Variants in SEMA3A observed in about 807,000 individuals in gnomAD.
SEMA3A encodes the protein semaphorin 3A.
Under a neutral mutation model 97.9 loss-of-function variants are expected in SEMA3A, and 29 were observed. That is an observed-to-expected ratio of 0.30 (90% CI 0.22 to 0.40). The LOEUF (loss-of-function observed/expected upper bound fraction) is 0.40, where lower values mean the gene tolerates loss of function less well. Ranked by LOEUF, SEMA3A falls within the 10% of genes least tolerant of loss-of-function variation. SEMA3A has a pLI of 1.00. For synonymous variants in SEMA3A, 321 were observed against 323.7 expected (o/e 0.99, Z 0.09); for missense variants, 763 against 951.3 (o/e 0.80, Z 2.60).
Position 84,050,888 on chromosome 7 carries a change from A to G in SEMA3A, c.548-4445T>C, listed in dbSNP as rs550820495. ...ATCCATCTTGAATTGATTTTTGTAT[A>G]AGGTGTAAGGAAGGGATCCAGTTTC... On this transcript the variant is annotated intron_variant, in intron 5 of 16. Transcript: ENST00000265362. Among the ~76,000 whole-genome samples the G allele has an allele frequency of 1.2e-3, 187 of 151,356 alleles. 1 individual carries two copies. In the East Asian group the frequency reaches 0.016, roughly 13 times the overall value.
chr7:84,110,267 T>C (rs560510063), intron 4 of SEMA3A, among the ~76,000 whole-genome samples: 1 of 152,300 alleles, frequency 6.6e-6, no homozygotes, highest in East Asian at 1.9e-4. Context: ...TCTTCCTTCC[T>C]TCCTCCTGCT....
At chr7:84,438,720 C>A (rs750788145) in intron 1 of SEMA3A, among the ~76,000 whole-genome samples, 4 of 152,016 alleles carry the variant, frequency 2.6e-5, no homozygotes, top group East Asian at 1.9e-4. Context: ...TAAGATGGTA[C>A]CCACCACATA....
chr7:84,403,722 C>CATT (rs781353673), intron 1 of SEMA3A, among the ~76,000 whole-genome samples: 3 of 152,142 alleles, frequency 2.0e-5, no homozygotes, highest in Non-Finnish European at 2.9e-5. Flanking sequence ...CAGGCAGCAA[C>CATT]ATTTGCGGTT....
At chr7:84,159,354 G>T (rs1352620976) in intron 1 of SEMA3A, among the ~76,000 whole-genome samples, 1 of 152,026 alleles carries the variant, frequency 6.6e-6, no homozygotes, top group East Asian at 1.9e-4. Context: ...GTTACATCTT[G>T]CAAGAACAGC....
intron 11 of SEMA3A, among the ~76,000 whole-genome samples, chr7:84,002,273 T>C (rs1279456702): frequency 1.3e-5 from 2 of 152,214 alleles, no homozygotes; most frequent in Non-Finnish European, 2.9e-5. Flanking sequence ...AATAAAAGAT[T>C]GAATTTTTAG....
chr7:84,384,826 T>G (rs573626386), intron 1 of SEMA3A, among the ~76,000 whole-genome samples: 24 of 152,154 alleles, frequency 1.6e-4, no homozygotes, highest in Non-Finnish European at 3.1e-4. Flanking sequence ...AATAATGTAA[T>G]ATTTAGAGAG....
chr7:84,262,280 G>T (rs1280030942), intron 3 of SEMA3A, among the ~76,000 whole-genome samples: 1 of 152,010 alleles, frequency 6.6e-6, no homozygotes, highest in Non-Finnish European at 1.5e-5. Flanking sequence ...AATGGTACGA[G>T]CCTGGCTCAT....
chr7:84,126,373 T>C (rs975805073), intron 3 of SEMA3A, among the ~76,000 whole-genome samples: 1 of 151,968 alleles, frequency 6.6e-6, no homozygotes. Context: ...GCCTGGCTAA[T>C]TTTTGTATTT....
At chr7:84,215,090 T>G (rs1176781219) in intron 3 of SEMA3A, among the ~76,000 whole-genome samples, 1 of 151,342 alleles carries the variant, frequency 6.6e-6, no homozygotes. Flanking sequence ...CCAGGCTGGT[T>G]TTGAACTCCT....
intron 1 of SEMA3A, among the ~76,000 whole-genome samples, chr7:84,382,882 T>TCAAAA (rs1012475329): frequency 1.3e-5 from 2 of 151,426 alleles, no homozygotes; most frequent in Non-Finnish European, 2.9e-5. Context: ...CATCTCCAAA[T>TCAAAA]CAAAACAAAA....
At chr7:84,041,224 T>C (rs191680970) in intron 6 of SEMA3A, among the ~76,000 whole-genome samples, 45 of 152,234 alleles carry the variant, frequency 3.0e-4, no homozygotes, top group Middle Eastern at 6.8e-3. Flanking sequence ...TTATGTTCCT[T>C]AGACAAAAAG....
At chr7:84,078,902 G>A (rs554062136) in intron 4 of SEMA3A, among the ~76,000 whole-genome samples, 4 of 152,026 alleles carry the variant, frequency 2.6e-5, no homozygotes, top group East Asian at 1.9e-4. Context: ...CAGGCAGGGC[G>A]GTTCTTAGTT....
chr7:84,099,920 T>C (rs570511091), intron 4 of SEMA3A, among the ~76,000 whole-genome samples: 14 of 152,128 alleles, frequency 9.2e-5, no homozygotes, highest in South Asian at 2.1e-4. Context: ...ATCATGGCAA[T>C]AGTGGTTTTG....
At chr7:84,410,768 T>C (rs1463958302) in intron 1 of SEMA3A, among the ~76,000 whole-genome samples, 2 of 152,122 alleles carry the variant, frequency 1.3e-5, no homozygotes, top group Admixed American at 6.6e-5. Flanking sequence ...AATGTCAAAT[T>C]GCTTGGGGGA....
At chr7:84,054,381 G>A (rs1792846840) in intron 5 of SEMA3A, among the ~76,000 whole-genome samples, 1 of 151,868 alleles carries the variant, frequency 6.6e-6, no homozygotes, top group Non-Finnish European at 1.5e-5. Context: ...TTTTCACATA[G>A]TCCCATATTT....
intron 1 of SEMA3A, among the ~76,000 whole-genome samples, chr7:84,440,875 T>C (rs961944526): frequency 7.9e-5 from 12 of 152,192 alleles, no homozygotes; most frequent in African/African-American, 2.6e-4. Context: ...TAAAAATAAA[T>C]AGGCCAGGTG....
intron 3 of SEMA3A, among the ~76,000 whole-genome samples, chr7:84,247,035 T>C (rs757827414): frequency 6.6e-6 from 1 of 152,080 alleles, no homozygotes; most frequent in Non-Finnish European, 1.5e-5. Flanking sequence ...TGGTGAAATC[T>C]AAAAGCCTAA....
chr7:84,081,642 A>G (rs1482410502), intron 4 of SEMA3A, among the ~76,000 whole-genome samples: 1 of 151,430 alleles, frequency 6.6e-6, no homozygotes, highest in African/African-American at 2.4e-5. Context: ...TGTGTTATCA[A>G]TGTCGATGAG....
At chr7:84,178,198 G>C (rs911473633) in intron 1 of SEMA3A, among the ~76,000 whole-genome samples, 1 of 152,040 alleles carries the variant, frequency 6.6e-6, no homozygotes, top group South Asian at 2.1e-4. Flanking sequence ...TTGTTCCTTC[G>C]ATCCACAGCT....
Sources: gnomAD v4.1 joint callset for allele counts (sites outside exome capture counted in the v4.1 genomes callset) on GRCh38, gnomAD v4.1.1 for gene constraint, MANE v1.5 for transcripts, NCBI Gene and HGNC (gene_info 2026-07-23, HGNC 2026-07-21) for gene names.